The following NBEA variants were observed in gnomAD, a reference collection of about 807,000 sequenced individuals.
NBEA encodes the protein lysosomal-trafficking regulator 2.
A neutral mutation model predicts 343.4 loss-of-function variants in NBEA; 44 were observed. That is an observed-to-expected ratio of 0.13 (90% CI 0.10 to 0.16). The LOEUF (loss-of-function observed/expected upper bound fraction) is 0.16. NBEA is among the 10% of genes least tolerant of loss of function. NBEA has a pLI of 1.00. For missense variants in NBEA, 2,555 were observed against 3,631.3 expected (o/e 0.70, Z 7.62); for synonymous variants, 1,175 against 1,238.7 (o/e 0.95, Z 1.08).
At chr13:35,457,194 A>T (rs1220004409) in intron 40 of NBEA, among the ~76,000 whole-genome samples, 2 of 152,042 alleles carry the variant, frequency 1.3e-5, no homozygotes, top group African/African-American at 4.8e-5. Context: ...CATTTAAAAC[A>T]CTTATGAAAT....
intron 37 of NBEA, among the ~76,000 whole-genome samples, chr13:35,351,319 ACT>A (rs1473820776): frequency 2.6e-5 from 4 of 152,012 alleles, no homozygotes; most frequent in African/African-American, 9.6e-5. Context: ...TAGTCACACC[ACT>A]CTGTATATTT....
At chr13:35,001,759 T>C (rs1307371606) in intron 1 of NBEA, among the ~76,000 whole-genome samples, 4 of 151,994 alleles carry the variant, frequency 2.6e-5, no homozygotes, top group African/African-American at 4.8e-5. Context: ...CACTGTAGGG[T>C]GACTATTGTT....
chr13:35,066,205 C>T (rs1593235682), intron 8 of NBEA, among the ~76,000 whole-genome samples: 1 of 152,248 alleles, frequency 6.6e-6, no homozygotes, highest in East Asian at 1.9e-4. Context: ...AAGTGATCCT[C>T]CTACCTCAGC....
At chr13:35,275,182 G>A (rs2034487190) in intron 34 of NBEA, among the ~76,000 whole-genome samples, 2 of 152,164 alleles carry the variant, frequency 1.3e-5, no homozygotes, top group South Asian at 4.1e-4. Flanking sequence ...GAATGGAACA[G>A]AGGCCTCAGA....
chr13:35,373,459 A>C (rs1464831958), intron 38 of NBEA, among the ~76,000 whole-genome samples: 1 of 152,158 alleles, frequency 6.6e-6, no homozygotes, highest in Non-Finnish European at 1.5e-5. Flanking sequence ...TAATCCCAGC[A>C]CTTTGGGAGA....
intron 40 of NBEA, among the ~76,000 whole-genome samples, chr13:35,471,453 T>A (rs2075645053): frequency 6.6e-6 from 1 of 152,178 alleles, no homozygotes; most frequent in South Asian, 2.1e-4. Context: ...TACCTACAAA[T>A]GAATAGTTAC....
intron 36 of NBEA, among the ~76,000 whole-genome samples, chr13:35,317,314 C>G (rs550246987): frequency 6.6e-6 from 1 of 152,308 alleles, no homozygotes; most frequent in South Asian, 2.1e-4. Flanking sequence ...TTATAGTTTT[C>G]TGCCTCTGGC....
At chr13:35,006,073 G>T (rs2061307164) in intron 1 of NBEA, among the ~76,000 whole-genome samples, 1 of 152,062 alleles carries the variant, frequency 6.6e-6, no homozygotes, top group African/African-American at 2.4e-5. Flanking sequence ...TGTCCAGTTT[G>T]CCAATTCTTG....
At chr13:35,111,604 C>G (rs2066210117) in intron 13 of NBEA, among the ~76,000 whole-genome samples, 2 of 151,800 alleles carry the variant, frequency 1.3e-5, no homozygotes, top group South Asian at 4.1e-4. Flanking sequence ...CTCAATTTTT[C>G]TATGTTGTTC....
intron 39 of NBEA, among the ~76,000 whole-genome samples, chr13:35,441,091 G>C (rs915498443): frequency 6.6e-6 from 1 of 152,104 alleles, no homozygotes; most frequent in African/African-American, 2.4e-5. Flanking sequence ...TAATTAAAGA[G>C]ACTTTTAAAA....
intron 40 of NBEA, among the ~76,000 whole-genome samples, chr13:35,460,529 A>G (rs1357585170): frequency 6.6e-6 from 1 of 152,226 alleles, no homozygotes. Flanking sequence ...CATCTTGAAT[A>G]TTGAGCCTCT....
chr13:35,080,661 C>T (rs2064346230), intron 10 of NBEA, among the ~76,000 whole-genome samples: 1 of 152,070 alleles, frequency 6.6e-6, no homozygotes, highest in African/African-American at 2.4e-5. Context: ...CAGCCAAGTA[C>T]ACTAGGTAGC....
intron 41 of NBEA, among the ~76,000 whole-genome samples, chr13:35,485,533 A>G (rs183243991): frequency 1.6e-4 from 24 of 152,190 alleles, no homozygotes; most frequent in African/African-American, 5.3e-4. Context: ...TTACATCGCA[A>G]AGCTTTTCGT....
intron 47 of NBEA, 75 bp downstream of exon 47, chr13:35,593,522 T>C (rs2081628894): frequency 8.7e-7 from 1 of 1,143,576 alleles, no homozygotes; most frequent in South Asian, 1.6e-5. Context: ...AGTGGGTATG[T>C]ATAAGACATT....
chr13:35,288,341 A>G (rs1167485337), intron 34 of NBEA, among the ~76,000 whole-genome samples: 2 of 151,790 alleles, frequency 1.3e-5, no homozygotes, highest in Non-Finnish European at 2.9e-5. Context: ...TGTGTTCTCA[A>G]TGTCACGTTT....
intron 30 of NBEA, among the ~76,000 whole-genome samples, chr13:35,194,465 T>C (rs2072433645): frequency 1.3e-5 from 2 of 152,118 alleles, no homozygotes; most frequent in South Asian, 4.1e-4. Context: ...TTACTGATTT[T>C]CAATTTTTAG....
chr13:35,479,748 T>G (rs2076044908), intron 41 of NBEA, among the ~76,000 whole-genome samples: 1 of 152,170 alleles, frequency 6.6e-6, no homozygotes, highest in Admixed American at 6.5e-5. Flanking sequence ...ATACCAGTCT[T>G]GCAATATTTT....
At chr13:35,621,698 G>A (rs1041220317) in intron 48 of NBEA, among the ~76,000 whole-genome samples, 6 of 151,532 alleles carry the variant, frequency 4.0e-5, no homozygotes, top group East Asian at 3.9e-4. Context: ...CCCCAGCCCC[G>A]CCCTCATTAC....
intron 1 of NBEA, among the ~76,000 whole-genome samples, chr13:34,987,520 C>T (rs576014448): frequency 2.0e-5 from 3 of 150,812 alleles, no homozygotes; most frequent in African/African-American, 7.2e-5. Context: ...CTTTGTGTTT[C>T]CTGAATTTGA....
Sources: allele counts gnomAD v4.1 joint callset (sites outside exome capture counted in the v4.1 genomes callset), GRCh38; gene constraint gnomAD v4.1.1; transcripts MANE v1.5; gene names NCBI Gene and HGNC (gene_info 2026-07-23, HGNC 2026-07-21).